Variants in TIMELESS observed in about 807,000 individuals in gnomAD.
TIMELESS encodes the protein timeless circadian regulator, also known as protein timeless homolog.
Under a neutral mutation model 164.3 loss-of-function variants are expected in TIMELESS, and 124 were observed. That is an observed-to-expected ratio of 0.75 (90% CI 0.65 to 0.88). The LOEUF is 0.88. TIMELESS is among the 40% of genes least tolerant of loss of function. The pLI is 0.00. For missense variants in TIMELESS, 1,422 were observed against 1,491.4 expected, an observed-to-expected ratio of 0.95 and a Z score of 0.77; for synonymous variants, 564 against 563.4, an observed-to-expected ratio of 1.00 and a Z score of -0.02.
At chr12:56,448,493 G>A (rs570909124) in intron 1 of TIMELESS, among the ~76,000 whole-genome samples, 15 of 152,034 alleles carry the variant, frequency 9.9e-5, no homozygotes, top group African/African-American at 3.4e-4. Flanking sequence ...TTGGGAGGCC[G>A]AGGCGGGCGG....
intron 7 of TIMELESS, among the ~76,000 whole-genome samples, chr12:56,432,068 G>C (rs1373934828): frequency 6.6e-6 from 1 of 151,882 alleles, no homozygotes; most frequent in Non-Finnish European, 1.5e-5. Context: ...ATCTTGTTTA[G>C]GACAAACAGG....
In TIMELESS at chr12:56,425,117, C is replaced by T; in HGVS notation, c.1614G>A (p.Lys538=). 6.2e-7 allele frequency: 1 copy of T among 1,609,404 alleles called. No individual in the cohort carries two copies. Among genetic ancestry groups the T allele is most frequent in the Non-Finnish European group, 8.5e-7 (1 of 1,177,444 alleles). ...KQKKRRKKKK[K]VLDQAIVSGN... ...CAGAAACAATGGCCTGGTCTAGGAC[C>T]TTCTTCTTCTTCTTCCTTCTCTTCT... Residue 538 remains lysine (K), a synonymous_variant, in exon 14 of 29, where the codon AAG becomes AAA. Transcript: ENST00000553532.
chr12:56,432,466 C>T lies in TIMELESS; in HGVS notation c.590G>A (p.Gly197Asp), dbSNP rs1190991619. The T allele has an allele frequency of 1.2e-6, 2 of 1,614,180 alleles. No homozygotes were observed. Among genetic ancestry groups the T allele is most frequent in the South Asian group, 2.2e-5 (2 of 91,080 alleles). ...CAGAAAGAGGAGCAGGTCATCCAGGCCGCTGAGGTGAATCGCCCAGAGGAG... is the reference window on the plus strand; with the variant it reads ...CAGAAAGAGGAGCAGGTCATCCAGGTCGCTGAGGTGAATCGCCCAGAGGAG... Reference protein sequence around the residue: ...DQLLWAIHLSGLDDLLLFLAS... With the variant: ...DQLLWAIHLSDLDDLLLFLAS... The change falls in exon 7 of 29, where the codon GGC (glycine) becomes GAC (aspartate). Residue 197 changes from glycine (G) to aspartate (D), a missense_variant. Coordinates refer to ENST00000553532, the MANE Select transcript of TIMELESS (RefSeq NM_003920.5).
In TIMELESS at chr12:56,428,369, A is replaced by G. The variant is rs1210857776; in HGVS notation, c.1445T>C (p.Phe482Ser). The G allele has an allele frequency of 1.2e-6, 2 of 1,612,978 alleles. No individual in the cohort carries two copies. Among genetic ancestry groups the G allele is most frequent in the East Asian group, 2.2e-5 (1 of 44,870 alleles). Residue 482 changes from phenylalanine to serine, a missense_variant, in exon 13 of 29, where the codon TTC (phenylalanine) becomes TCC (serine). Transcript: ENST00000553532. ...ATCAAACTTTCGAAAAAGTGCCAGGAATAGTTCTCGGTACTCCATCACATA... is the reference window on the plus strand; with the variant it reads ...ATCAAACTTTCGAAAAAGTGCCAGGGATAGTTCTCGGTACTCCATCACATA... Reference protein sequence around the residue: ...IFYVMEYRELFLALFRKFDER... With the variant: ...IFYVMEYRELSLALFRKFDER...
In TIMELESS at chr12:56,420,963, C is replaced by G. The variant is rs1881458545; in HGVS notation, c.3040G>C (p.Gly1014Arg). 2 of 1,614,164 alleles carry G rather than the reference C, an allele frequency of 1.2e-6. No individual in the cohort carries two copies. Among genetic ancestry groups the G allele is most frequent in the Non-Finnish European group, 1.7e-6 (2 of 1,180,016 alleles). Residue 1014 changes from glycine to arginine, a missense_variant and splice_region_variant, in exon 24 of 29, where the codon GGC (glycine) becomes CGC (arginine). Physicochemically the swap from Gly to Arg is moderately radical, Grantham distance 125. Transcript: ENST00000553532. Reference sequence around the variant, plus strand: ...CATCTCTCCCAGCCAAAGTCCTCACCTTCCTGATGCAGGCTTTGACCAAGG... The same window carrying G: ...CATCTCTCCCAGCCAAAGTCCTCACGTTCCTGATGCAGGCTTTGACCAAGG... ...ENLGQSLHQE[G>R]FSIPLLWLQN...
chr12:56,441,944 T>C (rs1868279485), intron 1 of TIMELESS, among the ~76,000 whole-genome samples: 1 of 151,330 alleles, frequency 6.6e-6, no homozygotes, highest in African/African-American at 2.4e-5. Context: ...ATTAGTCAGG[T>C]GTGGTGGCGG....
In TIMELESS at chr12:56,419,234, C is replaced by T. The variant is rs150373119; in HGVS notation, c.3229-875G>A. Among the ~76,000 whole-genome samples the T allele has an allele frequency of 2.2e-3, 336 of 152,224 alleles. 1 individual carries two copies. Among genetic ancestry groups the T allele is most frequent in the African/African-American group, 7.5e-3 (311 of 41,546 alleles). ...CTTGAACTCCTGACCTCAGGTGATC[C>T]GCCTGCCTCAGCCTCCCAAAGTGCT... On this transcript the variant is annotated intron_variant, in intron 26 of 28. Transcript: ENST00000553532.
intron 13 of TIMELESS, among the ~76,000 whole-genome samples, chr12:56,426,511 C>A (rs1315511475): frequency 6.6e-6 from 1 of 151,656 alleles, no homozygotes; most frequent in African/African-American, 2.4e-5. Flanking sequence ...CTCAGCCTCC[C>A]AAGTACCTGG....
chr12:56,421,512 T>C lies in TIMELESS; in HGVS notation c.2726-19A>G. On this transcript the variant is annotated intron_variant, in intron 22 of 28. Transcript: ENST00000553532. ...AGGACATCTATAAAAAGCAAGCATG[T>C]GAATACCCAAGGGTAACAGGGAAAG... 6.2e-7 allele frequency: 1 copy of C among 1,604,310 alleles called. No individual in the cohort carries two copies. Among genetic ancestry groups the C allele is most frequent in the South Asian group, 1.1e-5 (1 of 90,182 alleles).
chr12:56,446,006 A>G (rs1868345693), intron 1 of TIMELESS, among the ~76,000 whole-genome samples: 1 of 152,118 alleles, frequency 6.6e-6, no homozygotes, highest in Admixed American at 6.5e-5. Flanking sequence ...CCCAGGCTCA[A>G]GTGACTTTCC....
chr12:56,421,400 C>T lies in TIMELESS; in HGVS notation c.2819G>A (p.Arg940Gln), dbSNP rs146518432. The change falls in exon 23 of 29, where the codon CGG (arginine) becomes CAG (glutamine). Residue 940 changes from arginine (R) to glutamine (Q), a missense_variant. Arg to Gln is a conservative substitution (Grantham distance 43). Transcript: ENST00000553532. ...KLLALGLVAERRELYKKRQKK... is the reference protein window; with the variant it reads ...KLLALGLVAEQRELYKKRQKK... ...CTGCCGTTTCTTGTACAGCTCCCGC[C>T]GCTCAGCCACCAGCCCCAGAGCCAA... 1,502 of 1,614,034 alleles carry T rather than the reference C, an allele frequency of 9.3e-4. 1 individual carries two copies. Among genetic ancestry groups the T allele is most frequent in the Non-Finnish European group, 1.1e-3 (1,320 of 1,180,044 alleles).
rs1881560276 is a variant in TIMELESS, at chr12:56,423,347, G to A, written c.2219C>T (p.Ala740Val). ...HRLAHDLKMEALLFQLSVFCL... is the reference protein window; with the variant it reads ...HRLAHDLKMEVLLFQLSVFCL... ...GAAGACTGACAGCTGAAAAAGTAGG[G>A]CTTCCATTTTGAGGTCATGGGCCAG... The change falls in exon 18 of 29, where the codon GCC becomes GTC. Residue 740 changes from alanine to valine, a missense_variant. Physicochemically the swap from Ala to Val is moderately conservative, Grantham distance 64. Coordinates refer to ENST00000553532, the MANE Select transcript of TIMELESS (RefSeq NM_003920.5). The A allele has an allele frequency of 7.4e-6, 12 of 1,614,026 alleles. No individual in the cohort carries two copies. In the East Asian group the frequency reaches 2.7e-4, roughly 36 times the overall value.
Position 56,429,008 on chromosome 12 carries a change from G to T in TIMELESS, c.1179C>A (p.Ser393=). Residue 393 remains serine (S), a synonymous_variant, in exon 11 of 29, where the codon TCC becomes TCA. Transcript: ENST00000553532. ...TCTCAGAAACCAGGCCTGGCCGGAA[G>T]GAGGCAGCTCGGTTGAAGGCCATGA... ...AFFMAFNRAA[S]FRPGLVSETL... is the part of the protein sequence containing the mutation. 6.2e-7 allele frequency: 1 copy of T among 1,614,182 alleles called. No individual in the cohort carries two copies. The highest frequency in any genetic ancestry group is 8.5e-7 in the Non-Finnish European group (1 of 1,180,034).
rs774037910 is a variant in TIMELESS at position 56,418,107 on chromosome 12, C to G, written c.3454+27G>C. The G allele has an allele frequency of 5.6e-6, 9 of 1,613,490 alleles. No homozygotes were observed. The African/African-American group carries it at 1.1e-4, about 19-fold the overall frequency. On this transcript the variant is annotated intron_variant, in intron 27 of 28. Transcript: ENST00000553532. ...GACCAACATGGCTGACACGTTAATA[C>G]TCAGAAGATGGCTGTCGCACTATTA...
chr12:56,442,003 G>A (rs889837408), intron 1 of TIMELESS, among the ~76,000 whole-genome samples: 1 of 141,654 alleles, frequency 7.1e-6, no homozygotes, highest in Non-Finnish European at 1.5e-5. Flanking sequence ...AGAATCACTT[G>A]AACCAGGGAG....
rs558605859 is a variant in TIMELESS at position 56,422,883 on chromosome 12, C to T, written c.2402G>A (p.Arg801Gln). The T allele has an allele frequency of 2.5e-4, 402 of 1,576,926 alleles. 5 individuals are homozygous for T. In the South Asian group the frequency reaches 4.0e-3, roughly 16 times the overall value. The change falls in exon 19 of 29, where the codon CGA becomes CAA. Residue 801 changes from arginine to glutamine, a missense_variant. Physicochemically the swap from Arg to Gln is conservative, Grantham distance 43. Transcript: ENST00000553532. The part of the protein sequence containing the change: ...LLFWKNTAVV[R>Q]EMTEGYGSLD... The stretch of plus-strand genomic sequence containing the variant: ...GGAGCCATAGCCCTCAGTCATCTCT[C>T]GAACCACAGCTGTGTTCTTCCAGAA...
chr12:56,428,189 T>C (rs111233231), intron 13 of TIMELESS, 47 bp downstream of exon 13: 4 of 1,514,862 alleles, frequency 2.6e-6, no homozygotes, highest in South Asian at 2.6e-5. Context: ...CCCCCCTTCC[T>C]TGACTCTCCC....
At position 56,421,676 on chromosome 12, in the gene TIMELESS, G is replaced by A. The variant is rs1881495003; in HGVS notation, c.2725+51C>T. The stretch of plus-strand genomic sequence containing the variant: ...AATAAAAGGCAGCCCCAAAATAAAT[G>A]GATAGCTTGGCTTTCATCTCAAAGG... On this transcript the variant is annotated intron_variant, in intron 22 of 28. Coordinates refer to ENST00000553532, the MANE Select transcript of TIMELESS (RefSeq NM_003920.5). The A allele has an allele frequency of 2.5e-6, 4 of 1,593,446 alleles. No individual in the cohort carries two copies. The South Asian group carries it at 3.3e-5, about 13-fold the overall frequency.
chr12:56,429,224 A>G, intron 10 of TIMELESS, 124 bp from the exon 11 acceptor site: 1 of 804,856 alleles, frequency 1.2e-6, no homozygotes, highest in East Asian at 2.7e-5. Context: ...TTTGAGGCGG[A>G]GTCTCACTCT....
Sources: gnomAD v4.1 joint callset for allele counts (sites outside exome capture counted in the v4.1 genomes callset) on GRCh38, gnomAD v4.1.1 for gene constraint, MANE v1.5 for transcripts, NCBI Gene and HGNC (gene_info 2026-07-23, HGNC 2026-07-21) for gene names.